The following RIMS2 variants were observed in gnomAD, a reference collection of about 807,000 sequenced individuals.
RIMS2 encodes the protein regulating synaptic membrane exocytosis 2, also known as regulating synaptic membrane exocytosis protein 2.
A neutral mutation model predicts 174.4 loss-of-function variants in RIMS2; 59 were observed. The observed-to-expected ratio is 0.34, with a 90% CI of 0.27 to 0.42. The LOEUF (loss-of-function observed/expected upper bound fraction) is 0.42. Among genes scored for constraint, RIMS2 ranks in the 10% least tolerant of loss-of-function variants. The probability of loss-of-function intolerance (pLI) is 1.00; values close to 1 mark genes in which losing one functional copy is unlikely to be tolerated. For synonymous variants in RIMS2, 606 were observed against 572.5 expected (o/e 1.06, Z -0.84); for missense variants, 1,620 against 1,666.3 (o/e 0.97, Z 0.48).
intron 1 of RIMS2, among the ~76,000 whole-genome samples, chr8:103,507,151 C>T (rs974599826): frequency 1.3e-5 from 2 of 152,070 alleles, no homozygotes; most frequent in African/African-American, 4.8e-5. Flanking sequence ...CCCTCAAATA[C>T]ACTTAAGCTT....
chr8:104,151,854 T>C (rs2098691839), intron 19 of RIMS2, among the ~76,000 whole-genome samples: 1 of 151,910 alleles, frequency 6.6e-6, no homozygotes, highest in African/African-American at 2.4e-5. Context: ...CTGTGGAAGA[T>C]TAACATTTTA....
intron 19 of RIMS2, among the ~76,000 whole-genome samples, chr8:104,210,631 A>G (rs567583321): frequency 4.1e-4 from 62 of 152,316 alleles, no homozygotes; most frequent in African/African-American, 1.4e-3. Flanking sequence ...ATAAATCTAC[A>G]TAAAAATTCA....
At chr8:103,517,016 T>C (rs1280155396) in intron 1 of RIMS2, among the ~76,000 whole-genome samples, 1 of 152,232 alleles carries the variant, frequency 6.6e-6, no homozygotes, top group African/African-American at 2.4e-5. Flanking sequence ...CAAATGCATT[T>C]TGAGCATCTG....
chr8:103,963,927 G>A (rs958713964), intron 15 of RIMS2, among the ~76,000 whole-genome samples: 5 of 152,094 alleles, frequency 3.3e-5, no homozygotes, highest in African/African-American at 9.7e-5. Context: ...CACATAGTTG[G>A]AATCATACAG....
At chr8:104,232,690 G>C (rs2099237242) in intron 19 of RIMS2, among the ~76,000 whole-genome samples, 1 of 152,172 alleles carries the variant, frequency 6.6e-6, no homozygotes, top group Non-Finnish European at 1.5e-5. Context: ...CTTCGGGAAA[G>C]TATATTCTGG....
At chr8:103,888,206 A>G (rs1046538250) in intron 4 of RIMS2, among the ~76,000 whole-genome samples, 1 of 151,582 alleles carries the variant, frequency 6.6e-6, no homozygotes, top group African/African-American at 2.4e-5. Context: ...AAGTGGGGAG[A>G]GATAAACTAT....
intron 1 of RIMS2, among the ~76,000 whole-genome samples, chr8:103,641,581 AAC>A (rs2096231147): frequency 1.3e-5 from 2 of 151,992 alleles, no homozygotes; most frequent in Admixed American, 1.3e-4. Flanking sequence ...TGCATGTGAA[AAC>A]TTGGTCCCTA....
intron 1 of RIMS2, among the ~76,000 whole-genome samples, chr8:103,674,581 T>A (rs796698354): frequency 1.4e-4 from 22 of 152,234 alleles, no homozygotes; most frequent in African/African-American, 4.8e-4. Flanking sequence ...CAAATGCATA[T>A]TTTTATGCCT....
At chr8:103,509,389 G>A (rs1184850900) in intron 1 of RIMS2, among the ~76,000 whole-genome samples, 2 of 151,954 alleles carry the variant, frequency 1.3e-5, no homozygotes, top group Admixed American at 1.3e-4. Context: ...CATTCTTTGT[G>A]TATTTTAAAC....
chr8:103,855,873 G>T (rs2099024810), intron 3 of RIMS2, among the ~76,000 whole-genome samples: 1 of 152,164 alleles, frequency 6.6e-6, no homozygotes, highest in Admixed American at 6.6e-5. Flanking sequence ...ATTAGGTCCA[G>T]TTGGTCAAGT....
chr8:103,821,449 T>G lies in RIMS2; in HGVS notation c.698+54912T>G, dbSNP rs76859266. 6.1e-3 allele frequency among the ~76,000 whole-genome samples: 933 copies of G among 151,844 alleles called. 12 individuals carry two copies. Among genetic ancestry groups the G allele is most frequent in the African/African-American group, 0.021 (883 of 41,540 alleles). On this transcript the variant is annotated intron_variant, in intron 3 of 23. Coordinates refer to ENST00000504942, the Ensembl canonical transcript of RIMS2. The stretch of plus-strand genomic sequence containing the variant: ...TAGGGGAAAAAAATCTCGGCCTTTA[T>G]ATGTTCTTATTAGTCTTTAAAAATC...
chr8:103,754,423 C>T (rs947850042), intron 2 of RIMS2, among the ~76,000 whole-genome samples: 1 of 152,030 alleles, frequency 6.6e-6, no homozygotes, highest in Non-Finnish European at 1.5e-5. Context: ...GGGGTGGAGA[C>T]TTCTGTAGAT....
intron 1 of RIMS2, chr8:103,559,177 G>T: frequency 5.2e-6 from 1 of 190,984 alleles, no homozygotes. Context: ...TCTCCATCCT[G>T]TTCCTCACCA....
chr8:103,540,441 C>A (rs530148858), intron 1 of RIMS2, among the ~76,000 whole-genome samples: 1 of 152,126 alleles, frequency 6.6e-6, no homozygotes. Context: ...GACAACATAG[C>A]GGCACCCTCA....
At chr8:104,179,225 G>C (rs2098925443) in intron 19 of RIMS2, among the ~76,000 whole-genome samples, 2 of 152,074 alleles carry the variant, frequency 1.3e-5, no homozygotes, top group African/African-American at 4.8e-5. Context: ...TAAGAATCAG[G>C]ATTTTCTTGG....
chr8:103,984,806 C>T (rs149591687), intron 16 of RIMS2, among the ~76,000 whole-genome samples: 1 of 152,280 alleles, frequency 6.6e-6, no homozygotes, highest in East Asian at 1.9e-4. Context: ...CCTACATGTC[C>T]ATAATGGATA....
At chr8:103,848,484 A>T (rs2098979646) in intron 3 of RIMS2, among the ~76,000 whole-genome samples, 1 of 152,002 alleles carries the variant, frequency 6.6e-6, no homozygotes, top group Non-Finnish European at 1.5e-5. Context: ...CTTCCATTTT[A>T]TTAGAAATGG....
chr8:103,939,418 T>C (rs915305584), intron 13 of RIMS2, among the ~76,000 whole-genome samples: 2 of 152,070 alleles, frequency 1.3e-5, no homozygotes, highest in Non-Finnish European at 2.9e-5. Context: ...GGGATGCACA[T>C]CACCAAGTCC....
intron 19 of RIMS2, among the ~76,000 whole-genome samples, chr8:104,169,209 G>A (rs375266763): frequency 4.9e-4 from 73 of 150,442 alleles, no homozygotes; most frequent in East Asian, 4.7e-3. Context: ...TCTGTCTTTT[G>A]GAATAGTTTC....
Sources: gnomAD v4.1 joint callset for allele counts (sites outside exome capture counted in the v4.1 genomes callset) on GRCh38, gnomAD v4.1.1 for gene constraint, MANE v1.5 for transcripts, NCBI Gene and HGNC (gene_info 2026-07-23, HGNC 2026-07-21) for gene names.